Variants in DTNA observed in about 807,000 individuals in gnomAD.
DTNA encodes dystrophin-related protein 3.
A neutral mutation model predicts 100.7 loss-of-function variants in DTNA; 43 were observed. That is an observed-to-expected ratio of 0.43 (90% CI 0.33 to 0.55). DTNA has a LOEUF of 0.55. Among genes scored for constraint, DTNA ranks in the 20% least tolerant of loss-of-function variants. The pLI is 0.04. For missense variants in DTNA, 798 were observed against 953.9 expected, an observed-to-expected ratio of 0.84 and a Z score of 2.15; for synonymous variants, 349 against 347.9, an observed-to-expected ratio of 1.00 and a Z score of -0.04.
chr18:34,550,872 T>C (rs1292402547), intron 1 of DTNA, among the ~76,000 whole-genome samples: 1 of 152,190 alleles, frequency 6.6e-6, no homozygotes, highest in Non-Finnish European at 1.5e-5. Flanking sequence ...ATATTTTGCT[T>C]TGTCCTCACT....
At chr18:34,831,920 G>A (rs1241172161) in intron 11 of DTNA, among the ~76,000 whole-genome samples, 4 of 152,172 alleles carry the variant, frequency 2.6e-5, no homozygotes, top group Non-Finnish European at 5.9e-5. Context: ...TGATTGATAG[G>A]TTTGGGTTTT....
intron 3 of DTNA, among the ~76,000 whole-genome samples, chr18:34,789,199 A>T (rs1290682830): frequency 6.6e-6 from 1 of 152,192 alleles, no homozygotes; most frequent in African/African-American, 2.4e-5. Flanking sequence ...GCGTGACTGC[A>T]GTTTTTTCTG....
intron 1 of DTNA, among the ~76,000 whole-genome samples, chr18:34,741,880 C>T (rs561124934): frequency 2.6e-5 from 4 of 152,132 alleles, no homozygotes; most frequent in African/African-American, 9.6e-5. Flanking sequence ...ACAAGTTGGA[C>T]CAAAGGTCAG....
intron 2 of DTNA, 165 bp from the exon 3 acceptor site, chr18:34,765,796 G>A: frequency 1.6e-6 from 1 of 629,550 alleles, no homozygotes; most frequent in East Asian, 2.9e-5. Context: ...TGAGGAACTT[G>A]TCCTTGAATA....
chr18:34,563,182 C>T lies in DTNA; in HGVS notation c.-2+69668C>T, dbSNP rs141882197. 4.0e-3 allele frequency among the ~76,000 whole-genome samples: 608 copies of T among 152,204 alleles called. 2 individuals are homozygous for T. The highest frequency in any genetic ancestry group is 0.034 in the Middle Eastern group (10 of 294). ...TGAGGTCATACTGGATTAGAGTGGG[C>T]CCTAAATTCAATCCCTGGTTCCCTA... On this transcript the variant is annotated intron_variant, in intron 1 of 19. Coordinates refer to the DTNA transcript ENST00000283365.
intron 1 of DTNA, among the ~76,000 whole-genome samples, chr18:34,603,961 T>C (rs2052483455): frequency 1.3e-5 from 2 of 152,206 alleles, no homozygotes; most frequent in South Asian, 4.1e-4. Flanking sequence ...ACTAAAGTTA[T>C]CATGTATGGG....
chr18:34,861,062 C>A (rs1471324669), intron 16 of DTNA, among the ~76,000 whole-genome samples: 1 of 151,730 alleles, frequency 6.6e-6, no homozygotes, highest in Admixed American at 6.6e-5. Flanking sequence ...TATATATTTC[C>A]TAAGAAAAAA....
chr18:34,806,078 G>A (rs1568585217), intron 4 of DTNA, 141 bp from the exon 5 acceptor site: 3 of 689,610 alleles, frequency 4.4e-6, no homozygotes, highest in Non-Finnish European at 7.6e-6. Context: ...AAATGGATGT[G>A]CCCACATAAG....
At chr18:34,752,118 A>G (rs2092374763) in intron 1 of DTNA, among the ~76,000 whole-genome samples, 1 of 152,204 alleles carries the variant, frequency 6.6e-6, no homozygotes, top group Non-Finnish European at 1.5e-5. Context: ...TCTTATGTAC[A>G]TGAAGGAGCA....
intron 1 of DTNA, among the ~76,000 whole-genome samples, chr18:34,699,711 C>T (rs994421520): frequency 3.3e-5 from 5 of 152,158 alleles, no homozygotes; most frequent in Admixed American, 6.5e-5. Flanking sequence ...AATAATTCAG[C>T]ATTTTACCAG....
chr18:34,532,770 A>ATGTGTGTG (rs58811674), intron 1 of DTNA, among the ~76,000 whole-genome samples: 1 of 149,842 alleles, frequency 6.7e-6, no homozygotes, highest in Non-Finnish European at 1.5e-5. Flanking sequence ...ATATATATAT[A>ATGTGTGTG]TGTGTGTGTG....
At chr18:34,552,502 A>C in intron 1 of DTNA, among the ~76,000 whole-genome samples, 1 of 147,406 alleles carries the variant, frequency 6.8e-6, no homozygotes, top group African/African-American at 2.5e-5. Context: ...AGCATTAGGT[A>C]TATCTCCCAA....
At position 34,815,934 on chromosome 18, in the gene DTNA, T is replaced by C. The variant is rs2095587058; in HGVS notation, c.629T>C (p.Leu210Ser). 2 of 1,613,758 alleles carry C rather than the reference T, an allele frequency of 1.2e-6. No homozygotes were observed. Among genetic ancestry groups the C allele is most frequent in the African/African-American group, 1.3e-5 (1 of 74,920 alleles). Residue 210 changes from leucine to serine, a missense_variant, in exon 7 of 23, where the codon TTG becomes TCG. By Grantham distance (145) the Leu-to-Ser change is moderately radical (BLOSUM62 -2). This residue lies in a region of DTNA where 81 missense variants were observed against 153.5 expected (regional missense o/e 0.53). Coordinates refer to ENST00000444659, the MANE Select transcript of DTNA (RefSeq NM_001386795.1). ...QQKKVTLNGF[L>S]DTLMSDPPPQ... ...AAAAAAGTCACGTTAAATGGTTTCTTGGACACGCTTATGTCAGATCCTCCC... is the reference window on the plus strand; with the variant it reads ...AAAAAAGTCACGTTAAATGGTTTCTCGGACACGCTTATGTCAGATCCTCCC...
chr18:34,593,092 G>A (rs1461194344), intron 1 of DTNA, among the ~76,000 whole-genome samples: 3 of 152,118 alleles, frequency 2.0e-5, no homozygotes, highest in East Asian at 1.9e-4. Context: ...GTGAGTCCTC[G>A]GGCTGATGTT....
At chr18:34,542,114 G>A (rs1391369508) in intron 1 of DTNA, among the ~76,000 whole-genome samples, 4 of 152,014 alleles carry the variant, frequency 2.6e-5, no homozygotes, top group Non-Finnish European at 5.9e-5. Context: ...AAGGTTGGGG[G>A]AGAGAGAGCT....
intron 1 of DTNA, among the ~76,000 whole-genome samples, chr18:34,516,339 G>C (rs181638984): frequency 2.2e-4 from 33 of 152,226 alleles, no homozygotes; most frequent in African/African-American, 7.9e-4. Context: ...CAAGGCAAAT[G>C]AAGCCAGAGC....
intron 13 of DTNA, among the ~76,000 whole-genome samples, chr18:34,847,418 A>C (rs1288492008): frequency 1.1e-4 from 17 of 152,242 alleles, no homozygotes; most frequent in Admixed American, 8.5e-4. Flanking sequence ...CTTATGCTGC[A>C]TAACAAATTA....
At chr18:34,876,396 T>C (rs1215755674) in intron 18 of DTNA, among the ~76,000 whole-genome samples, 2 of 152,132 alleles carry the variant, frequency 1.3e-5, no homozygotes, top group African/African-American at 4.8e-5. Flanking sequence ...CCAGTATATG[T>C]GTCAATCAAG....
chr18:34,579,616 T>G (rs1196017351), intron 1 of DTNA, among the ~76,000 whole-genome samples: 2 of 152,198 alleles, frequency 1.3e-5, no homozygotes. Flanking sequence ...CTTAAGGCAG[T>G]CAATATTTTA....
Sources: gnomAD v4.1 joint callset for allele counts (sites outside exome capture counted in the v4.1 genomes callset) on GRCh38, gnomAD v4.1.1 for gene constraint, gnomAD v4.1.1 regional missense constraint, MANE v1.5 for transcripts, NCBI Gene and HGNC (gene_info 2026-07-23, HGNC 2026-07-21) for gene names.